ENTPD5: variants seen among roughly 807,000 people sequenced by gnomAD.
ENTPD5 encodes nucleoside diphosphate phosphatase ENTPD5.
A neutral mutation model predicts 60.2 loss-of-function variants in ENTPD5; 49 were observed. The ratio of observed to expected loss-of-function variants is 0.81; its 90% CI spans 0.65 to 1.03. ENTPD5 has a LOEUF of 1.03. Among genes scored for constraint, ENTPD5 ranks in the 50% least tolerant of loss-of-function variants. The pLI, the probability that ENTPD5 is intolerant of heterozygous loss-of-function variation, is 0.00. For missense variants in ENTPD5, 480 were observed against 507.6 expected (o/e 0.95, Z 0.52); for synonymous variants, 187 against 185.4 (o/e 1.01, Z -0.07).
chr14:73,995,501 T>C (rs12323875), intron 3 of ENTPD5, among the ~76,000 whole-genome samples: 22,806 of 151,566 alleles, frequency 0.15, 2,364 homozygotes, highest in East Asian at 0.59. Flanking sequence ...AATAAAAATG[T>C]AACAGCTGAT....
chr14:74,001,146 C>T (rs1171847963), intron 3 of ENTPD5, among the ~76,000 whole-genome samples: 3 of 151,738 alleles, frequency 2.0e-5, no homozygotes, highest in African/African-American at 7.3e-5. Context: ...TTGCTTGACC[C>T]CAAGAGTTTG....
intron 2 of ENTPD5, among the ~76,000 whole-genome samples, chr14:74,013,800 A>G (rs891295337): frequency 2.0e-5 from 3 of 152,212 alleles, no homozygotes; most frequent in Non-Finnish European, 2.9e-5. Context: ...AAGTTATCAG[A>G]CAGGCTGTTA....
intron 3 of ENTPD5, among the ~76,000 whole-genome samples, chr14:74,006,146 G>A (rs1186490242): frequency 2.0e-5 from 3 of 151,970 alleles, no homozygotes; most frequent in East Asian, 2.0e-4. Flanking sequence ...ACACCACCAA[G>A]CCCAGCAAAT....
chr14:73,990,355 G>A (rs2058079958), intron 3 of ENTPD5, among the ~76,000 whole-genome samples: 2 of 149,836 alleles, frequency 1.3e-5, no homozygotes, highest in African/African-American at 2.4e-5. Context: ...CTTTTTTTGA[G>A]ACAGGGTCTC....
downstream of ENTPD5, chr14:73,957,950 CT>C (rs1191647899): frequency 7.0e-6 from 4 of 569,544 alleles, no homozygotes; most frequent in African/African-American, 1.9e-5. Flanking sequence ...ACTTCAATGT[CT>C]TTTTTTGACA....
downstream of ENTPD5, chr14:73,960,645 A>AGTC (rs1250784171): frequency 1.4e-5 from 14 of 1,008,066 alleles, no homozygotes; most frequent in African/African-American, 2.2e-4. Context: ...TACTGAGAAC[A>AGTC]GTCTCCGCTT....
intron 2 of ENTPD5, among the ~76,000 whole-genome samples, chr14:74,013,616 C>T (rs138894133): frequency 1.3e-5 from 2 of 152,216 alleles, no homozygotes; most frequent in African/African-American, 4.8e-5. Flanking sequence ...CCCTGGTCTA[C>T]ACCATCTCTC....
At chr14:74,009,792 GA>G (rs1240387738) in intron 3 of ENTPD5, among the ~76,000 whole-genome samples, 21 of 144,142 alleles carry the variant, frequency 1.5e-4, no homozygotes, top group Non-Finnish European at 2.1e-4. Context: ...GCATGTTTTC[GA>G]TTTTTTTTTT....
At chr14:73,969,587 C>T (rs796370577) in intron 15 of ENTPD5, among the ~76,000 whole-genome samples, 1 of 152,074 alleles carries the variant, frequency 6.6e-6, no homozygotes, top group Non-Finnish European at 1.5e-5. Context: ...GCCTGTAATC[C>T]CAGCTACTTG....
At chr14:73,961,210 C>T (rs993695953), downstream of ENTPD5, 1 of 1,614,032 alleles carries the variant, frequency 6.2e-7, no homozygotes, top group Non-Finnish European at 8.5e-7. Context: ...ATCGACACAG[C>T]TGGTGCCATG....
chr14:73,962,847 C>CT (rs1435777399), downstream of ENTPD5: 2 of 830,064 alleles, frequency 2.4e-6, no homozygotes, highest in Admixed American at 2.3e-5. Context: ...GTATATTTTT[C>CT]TTTTTTTAGC....
chr14:73,981,332 C>T (rs994193475), intron 6 of ENTPD5, among the ~76,000 whole-genome samples: 1 of 151,770 alleles, frequency 6.6e-6, no homozygotes, highest in Non-Finnish European at 1.5e-5. Context: ...AACCCTGTCT[C>T]CATTAAAAAT....
intron 3 of ENTPD5, among the ~76,000 whole-genome samples, chr14:73,998,365 T>A (rs1009344245): frequency 3.9e-5 from 6 of 152,100 alleles, no homozygotes; most frequent in African/African-American, 1.4e-4. Flanking sequence ...CTGCCTTTGC[T>A]CACTAGAAGC....
intron 3 of ENTPD5, among the ~76,000 whole-genome samples, chr14:73,997,833 C>A (rs1157930846): frequency 2.0e-5 from 3 of 152,100 alleles, no homozygotes; most frequent in African/African-American, 7.3e-5. Flanking sequence ...TGCTGGACAC[C>A]AGTAATTGAA....
At position 73,964,981 on chromosome 14, in the gene ENTPD5, A is replaced by G. The variant is rs1646204802; in HGVS notation, c.*1947T>C. On this transcript the variant is annotated 3_prime_UTR_variant, in exon 16 of 16. Coordinates refer to ENST00000334696, the MANE Select transcript of ENTPD5 (RefSeq NM_001249.5). Reference sequence around the variant, plus strand: ...TCTGCACTGAGTACAACATTGGATTATTTCTTTGGGCTGTTTCCAACTCAA... The same window carrying G: ...TCTGCACTGAGTACAACATTGGATTGTTTCTTTGGGCTGTTTCCAACTCAA... The G allele has an allele frequency of 6.6e-6, 1 of 152,184 alleles. No individual in the cohort carries two copies. The highest frequency in any genetic ancestry group is 2.4e-5 in the African/African-American group (1 of 41,454). The allele number at this position is 152,184 out of a possible 1,614,324, so 9.4% of individuals were successfully genotyped here.
chr14:73,963,271 G>A lies in ENTPD5; in HGVS notation c.*3657C>T. On this transcript the variant is annotated 3_prime_UTR_variant, in exon 16 of 16. Transcript: ENST00000334696. ...TTTTTATTACTAAAAAACCCACAAG[G>A]TGCTGTCTCACTCATTTCCAGTTAA... The A allele has an allele frequency of 3.7e-6, 2 of 540,250 alleles. No individual in the cohort carries two copies. The highest frequency in any genetic ancestry group is 6.5e-6 in the Non-Finnish European group (2 of 307,586). The allele number at this position is 540,250 out of a possible 1,614,324, so 33.5% of individuals were successfully genotyped here.
At chr14:73,997,797 C>T (rs779604770) in intron 3 of ENTPD5, among the ~76,000 whole-genome samples, 1 of 152,096 alleles carries the variant, frequency 6.6e-6, no homozygotes, top group Non-Finnish European at 1.5e-5. Flanking sequence ...TTACCAAAGA[C>T]AGGTATTAAT....
chr14:73,985,217 T>C (rs2057850683), intron 5 of ENTPD5, among the ~76,000 whole-genome samples: 2 of 152,248 alleles, frequency 1.3e-5, no homozygotes. Flanking sequence ...TGCATGTGTC[T>C]TTATAGCAGC....
downstream of ENTPD5, chr14:73,961,161 G>A: frequency 1.9e-6 from 3 of 1,612,620 alleles, no homozygotes; most frequent in Non-Finnish European, 2.5e-6. Context: ...TCTTGTGGCT[G>A]ATGCTGCTCA....
Sources: gnomAD v4.1 joint callset for allele counts (sites outside exome capture counted in the v4.1 genomes callset) on GRCh38, gnomAD v4.1.1 for gene constraint, MANE v1.5 for transcripts, NCBI Gene and HGNC (gene_info 2026-07-23, HGNC 2026-07-21) for gene names.